The following SETD2 variants were observed in gnomAD, a reference collection of about 807,000 sequenced individuals.
The protein encoded by SETD2 is histone-lysine N-methyltransferase SETD2.
A neutral mutation model predicts 242.1 loss-of-function variants in SETD2; 31 were observed. The observed-to-expected ratio is 0.13, with a 90% CI of 0.10 to 0.17. SETD2 has a LOEUF of 0.17. Ranked by LOEUF, SETD2 falls within the 10% of genes least tolerant of loss-of-function variation. The pLI is 1.00. For synonymous variants in SETD2, 1,006 were observed against 1,066.5 expected, an observed-to-expected ratio of 0.94 and a Z score of 1.11; for missense variants, 2,481 against 3,046.3, an observed-to-expected ratio of 0.81 and a Z score of 4.37.
Position 47,164,040 on chromosome 3 carries a change from G to A in SETD2, c.-116C>T, listed in dbSNP as rs1303650085. ...GGCGGCGGCGGCGGCGGCGGCGGCG[G>A]CGGCAGGGGCGGCCCGCGTCGCTAC... On this transcript the variant is annotated 5_prime_UTR_variant, in exon 1 of 21. Transcript: ENST00000409792. This position sits in a 1 kb window ranked among gnomAD's most constrained non-coding sequence, Gnocchi z 5.4. 4 of 1,219,622 alleles carry A rather than the reference G, an allele frequency of 3.3e-6. No individual in the cohort carries two copies. The highest frequency in any genetic ancestry group is 4.1e-6 in the Non-Finnish European group (4 of 976,622). The allele number at this position is 1,219,622 out of a possible 1,614,324, so 75.6% of individuals were successfully genotyped here. A position where few individuals can be genotyped will look rare whatever the true frequency, so the allele number is the denominator to read the frequency against.
chr3:47,120,086 A>G, intron 3 of SETD2, 96 bp downstream of exon 3: 3 of 979,494 alleles, frequency 3.1e-6, no homozygotes, highest in Non-Finnish European at 4.4e-6. Context: ...CAACTCTTTC[A>G]TGTGTTTAAT....
At chr3:47,151,804 G>A (rs1217160410) in intron 1 of SETD2, among the ~76,000 whole-genome samples, 1 of 148,564 alleles carries the variant, frequency 6.7e-6, no homozygotes, top group Non-Finnish European at 1.5e-5. Flanking sequence ...TCCAGCCTGG[G>A]AGAGAGACCA....
chr3:47,046,347 TA>T (rs2039527974), intron 16 of SETD2, 139 bp downstream of exon 16: 2 of 534,006 alleles, frequency 3.7e-6, no homozygotes, highest in South Asian at 5.9e-5. Context: ...AAAAAAAAAA[TA>T]AAATAAAATA....
At chr3:47,035,459 T>C (rs576533706) in intron 18 of SETD2, among the ~76,000 whole-genome samples, 12 of 152,314 alleles carry the variant, frequency 7.9e-5, no homozygotes, top group African/African-American at 2.9e-4. Context: ...AAGCTGCCCT[T>C]TTACTTGGCC....
At chr3:47,059,995 G>A (rs2107584228) in intron 14 of SETD2, among the ~76,000 whole-genome samples, 1 of 152,232 alleles carries the variant, frequency 6.6e-6, no homozygotes, top group East Asian at 1.9e-4. Flanking sequence ...ATGTTGACCA[G>A]GCTAGTCTTG....
chr3:47,135,917 T>C (rs918992740), intron 1 of SETD2, among the ~76,000 whole-genome samples: 10 of 152,200 alleles, frequency 6.6e-5, no homozygotes, highest in African/African-American at 2.4e-4. Context: ...TAGACCAGCA[T>C]CTTAAAGCTA....
At chr3:47,040,069 A>G (rs111805880) in intron 17 of SETD2, among the ~76,000 whole-genome samples, 1 of 150,948 alleles carries the variant, frequency 6.6e-6, no homozygotes, top group African/African-American at 2.4e-5. Context: ...CTCTGCCTCC[A>G]GGGTTCAAGT....
At chr3:47,056,062 T>TAAA (rs1188750643) in intron 15 of SETD2, among the ~76,000 whole-genome samples, 2 of 101,114 alleles carry the variant, frequency 2.0e-5, no homozygotes, top group East Asian at 2.7e-4. Flanking sequence ...TTGTATAATC[T>TAAA]AAAAAAAAAA....
At chr3:47,067,645 G>A (rs567409855) in intron 12 of SETD2, among the ~76,000 whole-genome samples, 39 of 151,806 alleles carry the variant, frequency 2.6e-4, no homozygotes, top group Admixed American at 3.9e-4. Context: ...GAACTCCTGG[G>A]CTCAAGCAAT....
At chr3:47,119,676 T>C (rs759313810) in intron 3 of SETD2, 6 of 385,596 alleles carry the variant, frequency 1.6e-5, no homozygotes, top group African/African-American at 2.1e-5. Flanking sequence ...TCCCCAGCCA[T>C]GTGGAACTGC....
rs762727320 is a variant in SETD2 at position 47,037,687 on chromosome 3, T to A, written c.7329A>T (p.Thr2443=). The change falls in exon 18 of 21, where the codon ACA becomes ACT. Residue 2443 remains threonine, a synonymous_variant. Coordinates refer to ENST00000409792, the MANE Select transcript of SETD2 (RefSeq NM_014159.7). ...TCACCTTCATGGGGTTTTCATCATA[T>A]GTTGGAGTTCCCAGGTCCATCTCAG... ...HEAEMDLGTP[T]YDENPMKASK... is the part of the protein sequence containing the mutation. 1.1e-5 allele frequency: 18 copies of A among 1,613,484 alleles called. No homozygotes were observed. The highest frequency in any genetic ancestry group is 1.7e-5 in the Admixed American group (1 of 59,988).
chr3:47,052,216 G>A (rs1342349770), intron 15 of SETD2, among the ~76,000 whole-genome samples: 3 of 151,864 alleles, frequency 2.0e-5, no homozygotes, highest in African/African-American at 7.2e-5. Flanking sequence ...TTGTACCCAG[G>A]CTGGAGTGCG....
chr3:47,037,366 G>T (rs1227431071), intron 18 of SETD2, among the ~76,000 whole-genome samples: 1 of 141,332 alleles, frequency 7.1e-6, no homozygotes, highest in South Asian at 2.3e-4. Context: ...CCACCTATGA[G>T]TGAGAACGTG....
chr3:47,042,490 C>G (rs2107538674), intron 17 of SETD2, 71 bp downstream of exon 17: 1 of 1,496,440 alleles, frequency 6.7e-7, no homozygotes, highest in Admixed American at 1.7e-5. Flanking sequence ...AACTGTAAAA[C>G]TCCCCTTATA....
chr3:47,113,766 G>T, intron 5 of SETD2, 110 bp downstream of exon 5: 1 of 985,498 alleles, frequency 1.0e-6, no homozygotes, highest in Non-Finnish European at 1.5e-6. Context: ...TTGAATCCGG[G>T]AGGTAGAGGT....
chr3:47,060,728 T>C (rs1262352176), intron 14 of SETD2, among the ~76,000 whole-genome samples: 2 of 152,016 alleles, frequency 1.3e-5, no homozygotes, highest in African/African-American at 4.8e-5. Context: ...AAAGAAAACA[T>C]ACCATATATG....
At chr3:47,150,323 C>G (rs189569597) in intron 1 of SETD2, among the ~76,000 whole-genome samples, 25 of 152,202 alleles carry the variant, frequency 1.6e-4, no homozygotes, top group Admixed American at 1.6e-3. Flanking sequence ...CAAGAATGAG[C>G]CACCGTGCGC....
intron 1 of SETD2, among the ~76,000 whole-genome samples, chr3:47,137,999 T>G (rs2043630036): frequency 7.1e-6 from 1 of 139,890 alleles, no homozygotes; most frequent in Admixed American, 7.1e-5. Flanking sequence ...TGAGACGGAG[T>G]CTCGCTCTGT....
At position 47,017,825 on chromosome 3, in the gene SETD2, G is replaced by T; in HGVS notation, c.7432-86C>A. On this transcript the variant is annotated intron_variant, in intron 19 of 20. Coordinates refer to ENST00000409792, the MANE Select transcript of SETD2 (RefSeq NM_014159.7). This position sits in a 1 kb window ranked among gnomAD's most constrained non-coding sequence, Gnocchi z 4.8. Reference sequence around the variant, plus strand: ...TGAGGAAATAACTAGAAAAGGTAGTGAGTAAAGCCAGCCAATCCTTCTCCT... The same window carrying T: ...TGAGGAAATAACTAGAAAAGGTAGTTAGTAAAGCCAGCCAATCCTTCTCCT... 1 of 964,080 alleles carries T rather than the reference G, an allele frequency of 1.0e-6. No individual in the cohort carries two copies. The highest frequency in any genetic ancestry group is 1.7e-6 in the Non-Finnish European group (1 of 594,918). The allele number at this position is 964,080 out of a possible 1,614,324, so 59.7% of individuals were successfully genotyped here.
Sources: allele counts gnomAD v4.1 joint callset (sites outside exome capture counted in the v4.1 genomes callset), GRCh38; gene constraint gnomAD v4.1.1; non-coding constraint Gnocchi (gnomAD v3.1); transcripts MANE v1.5; gene names NCBI Gene and HGNC (gene_info 2026-07-23, HGNC 2026-07-21).